The following DHRSX variants were observed in gnomAD, a reference collection of about 807,000 sequenced individuals.
DHRSX encodes the protein dehydrogenase/reductase X-linked, also known as polyprenol dehydrogenase.
DHRSX carries 31 observed loss-of-function variants against 34.0 expected under a neutral mutation model. That is an observed-to-expected ratio of 0.91 (90% CI 0.69 to 1.23). The LOEUF is 1.23. Ranked by LOEUF, DHRSX falls within the 50% of genes most tolerant of loss-of-function variation. DHRSX has a pLI of 0.00. For synonymous variants in DHRSX, 201 were observed against 183.8 expected (o/e 1.09, Z -0.76); for missense variants, 414 against 428.1 (o/e 0.97, Z 0.29).
chrX:2,425,379 A>G (rs1245578891), intron 1 of DHRSX, 75 bp from the exon 2 acceptor site: 1 of 1,268,962 alleles, frequency 7.9e-7, no homozygotes, highest in Non-Finnish European at 1.1e-6. Flanking sequence ...TTAAGCCTCC[A>G]GAGAGGCAAG....
chrX:2,478,279 T>A (rs2124039919), intron 1 of DHRSX, among the ~76,000 whole-genome samples: 1 of 151,888 alleles, frequency 6.6e-6, no homozygotes, highest in African/African-American at 2.4e-5. Flanking sequence ...GGATGGGCGG[T>A]GACAGAGGAA....
intron 4 of DHRSX, among the ~76,000 whole-genome samples, chrX:2,282,646 G>C (rs1275394207): frequency 7.1e-6 from 1 of 141,128 alleles, no homozygotes; most frequent in Non-Finnish European, 1.6e-5. Context: ...AAGGGAGGGA[G>C]AGAGGGAGAG....
intron 1 of DHRSX, among the ~76,000 whole-genome samples, chrX:2,444,680 T>A (rs1418418593): frequency 6.6e-6 from 1 of 151,792 alleles, no homozygotes; most frequent in African/African-American, 2.4e-5. Context: ...ATAATTTTTT[T>A]AAAAACTTGC....
At chrX:2,408,436 G>C (rs1157995138) in intron 3 of DHRSX, among the ~76,000 whole-genome samples, 1 of 152,104 alleles carries the variant, frequency 6.6e-6, no homozygotes, top group African/African-American at 2.4e-5. Flanking sequence ...TGCCCTGGAG[G>C]TCAACAGGAA....
chrX:2,347,357 G>A (rs948894410), intron 3 of DHRSX, among the ~76,000 whole-genome samples: 18 of 152,142 alleles, frequency 1.2e-4, no homozygotes, highest in Admixed American at 6.6e-4. Flanking sequence ...CCATGATTCG[G>A]TTACCTCCCA....
At chrX:2,318,484 C>G (rs2042267463) in intron 3 of DHRSX, among the ~76,000 whole-genome samples, 1 of 152,162 alleles carries the variant, frequency 6.6e-6, no homozygotes, top group Non-Finnish European at 1.5e-5. Context: ...TGGCCAAACC[C>G]CATGCAAACC....
rs1408772712 is a variant in DHRSX, at chrX:2,474,824, G to A, written c.109+25993C>T. Reference sequence around the variant, plus strand: ...CTGCCACCATATACACACTGAAGACGTTCCCTAAGCTTGTGGCTAAGGGAC... The same window carrying A: ...CTGCCACCATATACACACTGAAGACATTCCCTAAGCTTGTGGCTAAGGGAC... On this transcript the variant is annotated intron_variant, in intron 1 of 6. Transcript: ENST00000334651. 4.6e-5 allele frequency among the ~76,000 whole-genome samples: 7 copies of A among 150,992 alleles called. No homozygotes were observed. In the South Asian group the frequency reaches 1.0e-3, roughly 23 times the overall value.
At chrX:2,472,575 C>T (rs1170586451) in intron 1 of DHRSX, among the ~76,000 whole-genome samples, 4 of 151,912 alleles carry the variant, frequency 2.6e-5, no homozygotes, top group Non-Finnish European at 5.9e-5. Flanking sequence ...TTCGAGACCA[C>T]CCTGACCAAT....
intron 1 of DHRSX, among the ~76,000 whole-genome samples, chrX:2,459,374 T>A (rs1412499799): frequency 2.0e-5 from 3 of 151,814 alleles, no homozygotes; most frequent in Non-Finnish European, 4.4e-5. Flanking sequence ...TTAGCTTGAT[T>A]GTTAATATGT....
At chrX:2,254,393 A>G (rs2041247444) in intron 5 of DHRSX, among the ~76,000 whole-genome samples, 2 of 152,298 alleles carry the variant, frequency 1.3e-5, no homozygotes, top group South Asian at 2.1e-4. Context: ...CTATTTTTCC[A>G]GTGCTCATTA....
intron 1 of DHRSX, among the ~76,000 whole-genome samples, chrX:2,437,710 T>A (rs1389284746): frequency 1.6e-3 from 58 of 36,846 alleles, no homozygotes; most frequent in Non-Finnish European, 1.9e-3. Flanking sequence ...TGTGTGTGTG[T>A]GTGTGTGTGT....
intron 1 of DHRSX, among the ~76,000 whole-genome samples, chrX:2,498,485 C>A (rs1329153438): frequency 3.3e-5 from 5 of 152,158 alleles, no homozygotes; most frequent in Non-Finnish European, 7.3e-5. Flanking sequence ...TCGATGAGGG[C>A]AAGCCACTTA....
intron 3 of DHRSX, among the ~76,000 whole-genome samples, chrX:2,308,831 G>C (rs1464105016): frequency 6.6e-6 from 1 of 151,270 alleles, no homozygotes; most frequent in Non-Finnish European, 1.5e-5. Context: ...AAGAAAGAAA[G>C]GGAGGGAGGG....
intron 3 of DHRSX, among the ~76,000 whole-genome samples, chrX:2,354,302 G>A (rs1257334334): frequency 5.3e-5 from 8 of 152,158 alleles, no homozygotes; most frequent in African/African-American, 1.4e-4. Flanking sequence ...CTGGATGGCC[G>A]TCCACTTCGG....
At chrX:2,421,409 CAT>C (rs1179686926) in intron 2 of DHRSX, among the ~76,000 whole-genome samples, 1 of 152,026 alleles carries the variant, frequency 6.6e-6, no homozygotes, top group Non-Finnish European at 1.5e-5. Context: ...AGAGCCATGA[CAT>C]AGAAAAATTT....
At chrX:2,463,705 C>T (rs928910358) in intron 1 of DHRSX, among the ~76,000 whole-genome samples, 7 of 152,098 alleles carry the variant, frequency 4.6e-5, no homozygotes, top group African/African-American at 1.2e-4. Context: ...GGGATGGTGA[C>T]GTGCAGAGAG....
intron 3 of DHRSX, among the ~76,000 whole-genome samples, chrX:2,371,471 ATAGACCCTCCTCCTCCCGTTACCG>A (rs1410937489): frequency 0.02 from 2,834 of 142,580 alleles, 59 homozygotes; most frequent in Non-Finnish European, 0.031. Flanking sequence ...CCTCGTTACC[ATAGACCCTCCTCCTCCCGTTACCG>A]TAGACCCTCC....
intron 6 of DHRSX, among the ~76,000 whole-genome samples, chrX:2,236,975 G>A (rs915493976): frequency 6.6e-6 from 1 of 151,994 alleles, no homozygotes; most frequent in Non-Finnish European, 1.5e-5. Context: ...GCTCACTCGA[G>A]ACTGTGAGTT....
intron 3 of DHRSX, among the ~76,000 whole-genome samples, chrX:2,330,149 AGAAAGGAAGGAGGAGGAGGT>A (rs1455354724): frequency 0.021 from 2,705 of 128,014 alleles, 132 homozygotes; most frequent in Middle Eastern, 0.042. Flanking sequence ...GAGGAGGAGG[AGAAAGGAAGGAGGAGGAGGT>A]GAAAGAGGAG....
Sources: gnomAD v4.1 joint callset for allele counts (sites outside exome capture counted in the v4.1 genomes callset) on GRCh38, gnomAD v4.1.1 for gene constraint, MANE v1.5 for transcripts, NCBI Gene and HGNC (gene_info 2026-07-23, HGNC 2026-07-21) for gene names.